Variants in SH3GL1 observed in about 807,000 individuals in gnomAD.
SH3GL1 encodes SH3 domain containing GRB2 like 1, endophilin A2.
SH3GL1 carries 21 observed loss-of-function variants against 48.8 expected under a neutral mutation model. The ratio of observed to expected loss-of-function variants is 0.43; its 90% CI spans 0.30 to 0.62. SH3GL1 has a LOEUF of 0.62. SH3GL1 is among the 20% of genes least tolerant of loss of function. The pLI is 0.11. For synonymous variants in SH3GL1, 282 were observed against 217.5 expected (o/e 1.30, Z -2.61); for missense variants, 454 against 503.0 (o/e 0.90, Z 0.93).
chr19:4,361,798 T>TGGGGGC lies in SH3GL1; in HGVS notation c.911-8_911-3dup, dbSNP rs1972623268. 1 of 1,604,342 alleles carries TGGGGGC rather than the reference T, an allele frequency of 6.2e-7. No homozygotes were observed. The highest frequency in any genetic ancestry group is 8.5e-7 in the Non-Finnish European group (1 of 1,178,472). ...TGCAGCTCGGCTGGTCCAGGGGCGC[T>TGGGGGC]GGGGGCGGGAGCGGGCTGTGGGGCT... On this transcript the variant is annotated splice_region_variant and splice_polypyrimidine_tract_variant and intron_variant, in intron 9 of 9. Coordinates refer to ENST00000269886, the MANE Select transcript of SH3GL1 (RefSeq NM_003025.4).
intron 1 of SH3GL1, among the ~76,000 whole-genome samples, chr19:4,382,184 G>C (rs2144902668): frequency 6.6e-6 from 1 of 151,614 alleles, no homozygotes. Context: ...CCCCTCAACA[G>C]CTATCTCTTG....
intron 1 of SH3GL1, among the ~76,000 whole-genome samples, chr19:4,384,479 T>A (rs981744856): frequency 6.6e-6 from 1 of 152,244 alleles, no homozygotes; most frequent in Non-Finnish European, 1.5e-5. Context: ...TGAAAACCTA[T>A]GTGGCTATTT....
rs1685832565 is a variant in SH3GL1, at chr19:4,396,266, G to A, written c.45+4058C>T. Among the ~76,000 whole-genome samples, 5 of 152,090 alleles carry A rather than the reference G, an allele frequency of 3.3e-5. No individual in the cohort carries two copies. In the South Asian group the frequency reaches 1.0e-3, roughly 32 times the overall value. On this transcript the variant is annotated intron_variant, in intron 1 of 9. Transcript: ENST00000269886. Reference sequence around the variant, plus strand: ...ACAAAAAAATTAGCGGGGCATGGTGGTGGGTGCCTGTAATCGCAGCTACTC... The same window carrying A: ...ACAAAAAAATTAGCGGGGCATGGTGATGGGTGCCTGTAATCGCAGCTACTC...
chr19:4,371,839 T>C (rs1972908082), intron 1 of SH3GL1, among the ~76,000 whole-genome samples: 1 of 152,152 alleles, frequency 6.6e-6, no homozygotes, highest in Admixed American at 6.5e-5. Flanking sequence ...CATCTCCGCG[T>C]CCCTCCCTGC....
chr19:4,364,422 CCCA>C, intron 4 of SH3GL1: 1 of 610,778 alleles, frequency 1.6e-6, no homozygotes, highest in Non-Finnish European at 2.9e-6. Flanking sequence ...GGCGTTCACC[CCCA>C]CACCTGGATC....
intron 1 of SH3GL1, among the ~76,000 whole-genome samples, chr19:4,381,058 C>G (rs915159706): frequency 3.1e-4 from 44 of 143,808 alleles, no homozygotes; most frequent in Non-Finnish European, 5.8e-4. Flanking sequence ...GTTCCCCCAG[C>G]CTCTCTGTCC....
At chr19:4,391,094 C>G (rs554638255) in intron 1 of SH3GL1, among the ~76,000 whole-genome samples, 41 of 152,304 alleles carry the variant, frequency 2.7e-4, no homozygotes, top group Admixed American at 2.5e-3. Context: ...CGGGCCTCAA[C>G]CTGCAGGTTT....
chr19:4,364,866 T>TGTGTGTGTGTGTGTGTGTGTGTGTG, intron 4 of SH3GL1, among the ~76,000 whole-genome samples: 1 of 97,166 alleles, frequency 1.0e-5, no homozygotes, highest in African/African-American at 5.3e-5. Flanking sequence ...ACCCGGCTAA[T>TGTGTGTGTGTGTGTGTGTGTGTGTG]TGTGTGTGTG....
At chr19:4,397,452 GT>G (rs1202987590) in intron 1 of SH3GL1, among the ~76,000 whole-genome samples, 1 of 152,220 alleles carries the variant, frequency 6.6e-6, no homozygotes, top group South Asian at 2.1e-4. Context: ...AAGAGGCCTG[GT>G]TCATTCCTCT....
At chr19:4,379,982 A>C (rs941987080) in intron 1 of SH3GL1, among the ~76,000 whole-genome samples, 3 of 152,164 alleles carry the variant, frequency 2.0e-5, no homozygotes, top group Non-Finnish European at 4.4e-5. Flanking sequence ...TCTGGTAGCC[A>C]GGCTCCTCCC....
chr19:4,384,764 A>G (rs1224603388), intron 1 of SH3GL1, among the ~76,000 whole-genome samples: 2 of 152,208 alleles, frequency 1.3e-5, no homozygotes, highest in African/African-American at 4.8e-5. Flanking sequence ...ATGCGAGTGG[A>G]GCCTCGTGTG....
intron 1 of SH3GL1, among the ~76,000 whole-genome samples, chr19:4,382,567 G>A (rs938733964): frequency 5.3e-5 from 8 of 152,036 alleles, no homozygotes; most frequent in Admixed American, 6.6e-5. Flanking sequence ...CAGGTGCTCC[G>A]CTTTCTGAGG....
intron 1 of SH3GL1, among the ~76,000 whole-genome samples, chr19:4,386,280 C>T (rs545389413): frequency 1.3e-4 from 20 of 152,202 alleles, no homozygotes; most frequent in African/African-American, 4.3e-4. Flanking sequence ...GCGGCGAGGG[C>T]GGGCAGAAAG....
chr19:4,362,775 A>G lies in SH3GL1; in HGVS notation c.729-39T>C, dbSNP rs1411714070. The G allele has an allele frequency of 5.0e-6, 8 of 1,612,380 alleles. No homozygotes were observed. In the African/African-American group the frequency reaches 9.3e-5, roughly 19 times the overall value. On this transcript the variant is annotated intron_variant, in intron 7 of 9. Transcript: ENST00000269886. The stretch of plus-strand genomic sequence containing the variant: ...GGCGTGAGTGGACCGAGCCCGTGTC[A>G]CGGCCGAGGCAGCCCCACTCTTGTA...
At position 4,360,706 on chromosome 19, in the gene SH3GL1, G is replaced by T. The variant is rs966731818; in HGVS notation, c.*894C>A. ...GTGAAGTGGCAGCGGCTCAGCAAGG[G>T]GAGCCTGGCCACCAGGGGCTGGGAC... On this transcript the variant is annotated 3_prime_UTR_variant, in exon 10 of 10. Coordinates refer to ENST00000269886, the MANE Select transcript of SH3GL1 (RefSeq NM_003025.4). 1.3e-4 allele frequency: 30 copies of T among 233,556 alleles called. No homozygotes were observed. The highest frequency in any genetic ancestry group is 5.5e-4 in the African/African-American group (25 of 45,460). The allele number at this position is 233,556 out of a possible 1,614,324, so 14.5% of individuals were successfully genotyped here.
In SH3GL1 at chr19:4,361,640, G is replaced by A. The variant is rs200891787; in HGVS notation, c.1067C>T (p.Pro356Leu). 1.9e-6 allele frequency: 3 copies of A among 1,609,096 alleles called. No individual in the cohort carries two copies. Among genetic ancestry groups the A allele is most frequent in the African/African-American group, 1.3e-5 (1 of 75,020 alleles). The change falls in exon 10 of 10, where the codon CCG becomes CTG. Residue 356 changes from proline (P) to leucine (L), a missense_variant. This residue lies in a region of SH3GL1 where 278 missense variants were observed against 246.8 expected (regional missense o/e 1.13). Transcript: ENST00000269886. ...CACAAGCACCTCCACGTAGCTGAGC[G>A]GGAAGAAGCCCGACTGGCCGTCCAG... Reference protein sequence around the residue: ...GMLDGQSGFFPLSYVEVLVPL... With the variant: ...GMLDGQSGFFLLSYVEVLVPL...
At chr19:4,363,565 G>A (rs1972685103) in intron 6 of SH3GL1, 92 bp from the exon 7 acceptor site, 2 of 1,450,268 alleles carry the variant, frequency 1.4e-6, no homozygotes, top group South Asian at 1.2e-5. Context: ...AGGCAAGGGG[G>A]CTGAGAGGGG....
At chr19:4,378,379 C>T (rs1192097486) in intron 1 of SH3GL1, among the ~76,000 whole-genome samples, 3 of 151,992 alleles carry the variant, frequency 2.0e-5, no homozygotes, top group Non-Finnish European at 4.4e-5. Flanking sequence ...CTCTGAGCCT[C>T]GGTTTTCTCA....
chr19:4,362,430 G>C (rs764660858), intron 8 of SH3GL1, 45 bp from the exon 9 acceptor site: 2 of 1,591,800 alleles, frequency 1.3e-6, no homozygotes, highest in South Asian at 2.3e-5. Context: ...AAAACGGTCG[G>C]GCAGGGCCCC....
Sources: allele counts gnomAD v4.1 joint callset (sites outside exome capture counted in the v4.1 genomes callset), GRCh38; gene constraint gnomAD v4.1.1; regional missense constraint gnomAD v4.1.1; transcripts MANE v1.5; gene names NCBI Gene and HGNC (gene_info 2026-07-23, HGNC 2026-07-21).